USH2A: variants seen among roughly 807,000 people sequenced by gnomAD.
The protein encoded by USH2A is usherin.
Under a neutral mutation model 538.9 loss-of-function variants are expected in USH2A, and 443 were observed. That is an observed-to-expected ratio of 0.82 (90% confidence interval 0.76 to 0.89). USH2A has a LOEUF of 0.89. Ranked by LOEUF, USH2A falls within the 40% of genes least tolerant of loss-of-function variation. USH2A has a pLI of 0.00. For missense variants in USH2A, 6,633 were observed against 6,324.8 expected, an observed-to-expected ratio of 1.05 and a Z score of -1.65; for synonymous variants, 2,413 against 2,273.5, an observed-to-expected ratio of 1.06 and a Z score of -1.75.
At chr1:215,721,046 G>A (rs1339759398) in intron 61 of USH2A, among the ~76,000 whole-genome samples, 1 of 151,990 alleles carries the variant, frequency 6.6e-6, no homozygotes, top group Non-Finnish European at 1.5e-5. Flanking sequence ...GCACATATCA[G>A]GTTTTAATTT....
At chr1:216,399,205 A>G (rs2039266973) in intron 3 of USH2A, among the ~76,000 whole-genome samples, 1 of 152,138 alleles carries the variant, frequency 6.6e-6, no homozygotes, top group Admixed American at 6.5e-5. Flanking sequence ...CTAAACAAGG[A>G]CACGAGAGTC....
intron 21 of USH2A, among the ~76,000 whole-genome samples, chr1:216,117,168 T>C (rs1022392424): frequency 2.6e-5 from 4 of 152,146 alleles, no homozygotes; most frequent in Admixed American, 1.3e-4. Flanking sequence ...AATGGCATTG[T>C]GGAGGCTCTC....
chr1:216,386,159 C>G (rs935612190), intron 3 of USH2A, among the ~76,000 whole-genome samples: 13 of 152,014 alleles, frequency 8.6e-5, no homozygotes, highest in Non-Finnish European at 1.9e-4. Flanking sequence ...AATTGCACAA[C>G]AATTATGAAT....
chr1:215,721,426 G>A (rs976148707), intron 61 of USH2A, among the ~76,000 whole-genome samples: 5 of 152,118 alleles, frequency 3.3e-5, no homozygotes, highest in Non-Finnish European at 7.3e-5. Flanking sequence ...CACCAGTTGC[G>A]TTGATCCTTG....
intron 29 of USH2A, chr1:216,072,686 A>G (rs1427404938): frequency 1.6e-6 from 1 of 614,636 alleles, no homozygotes; most frequent in Non-Finnish European, 2.9e-6. Flanking sequence ...CTGAGCAAGT[A>G]TTTAGTGAAT....
At chr1:216,376,134 G>A (rs1207606899) in intron 3 of USH2A, among the ~76,000 whole-genome samples, 1 of 152,040 alleles carries the variant, frequency 6.6e-6, no homozygotes, top group Non-Finnish European at 1.5e-5. Context: ...TACACAAAAC[G>A]AGCACATGCT....
intron 47 of USH2A, among the ~76,000 whole-genome samples, chr1:215,831,693 C>T (rs10864208): frequency 0.45 from 68,088 of 151,406 alleles, 15,480 homozygotes; most frequent in Admixed American, 0.57. Context: ...TTGTGAGCTT[C>T]ATACCGAAGC....
intron 30 of USH2A, among the ~76,000 whole-genome samples, chr1:216,062,121 G>A (rs1169734383): frequency 1.3e-5 from 2 of 152,150 alleles, no homozygotes; most frequent in African/African-American, 4.8e-5. Flanking sequence ...CTTGAAAGAA[G>A]GATAAGGATA....
chr1:215,810,151 G>T (rs1039310620), intron 49 of USH2A, among the ~76,000 whole-genome samples: 1 of 152,060 alleles, frequency 6.6e-6, no homozygotes, highest in Non-Finnish European at 1.5e-5. Flanking sequence ...AAAATTTGGG[G>T]CATGCTCAAT....
In USH2A at chr1:215,845,858, G is replaced by A. The variant is rs1327521692; in HGVS notation, c.9021C>T (p.Asn3007=). 6 of 1,613,758 alleles carry A rather than the reference G, an allele frequency of 3.7e-6. No individual in the cohort carries two copies. Among genetic ancestry groups the A allele is most frequent in the East Asian group, 4.5e-5 (2 of 44,880 alleles). The change falls in exon 45 of 72, where the codon AAC becomes AAT. Residue 3007 remains asparagine (N), a synonymous_variant. Coordinates refer to ENST00000307340, the MANE Select transcript of USH2A (RefSeq NM_206933.4). ...AAGTGGTTGCATGAAGTCCTGCACT[G>A]TTGATGCTGTGGACTCCATTGAAGA... ...ISVFNGVHSI[N]SAGLHATTCD...
At position 215,655,984 on chromosome 1, in the gene USH2A, T is replaced by G. The variant is rs184409294; in HGVS notation, c.14134-5183A>C. ...CTCCTGACCTAGTGATCTGCCCACCTCCGCCTCACAAAGTGCTGGGATTAT... is the reference window on the plus strand; with the variant it reads ...CTCCTGACCTAGTGATCTGCCCACCGCCGCCTCACAAAGTGCTGGGATTAT... On this transcript the variant is annotated intron_variant, in intron 64 of 71. Transcript: ENST00000307340. Among the ~76,000 whole-genome samples the G allele has an allele frequency of 3.3e-5, 5 of 152,192 alleles. No individual in the cohort carries two copies. In the East Asian group the frequency reaches 9.7e-4, roughly 29 times the overall value.
At chr1:216,202,452 T>A (rs1376888484) in intron 16 of USH2A, among the ~76,000 whole-genome samples, 2 of 152,222 alleles carry the variant, frequency 1.3e-5, no homozygotes, top group African/African-American at 4.8e-5. Flanking sequence ...ATGAATAGGA[T>A]ATCCATTAAT....
chr1:215,908,365 G>C (rs1186011818), intron 38 of USH2A, among the ~76,000 whole-genome samples: 1 of 151,898 alleles, frequency 6.6e-6, no homozygotes, highest in Non-Finnish European at 1.5e-5. Flanking sequence ...AACAAATTTT[G>C]AGAGTTTAGT....
chr1:215,796,390 CT>C (rs1347136834), intron 50 of USH2A, among the ~76,000 whole-genome samples: 1 of 151,572 alleles, frequency 6.6e-6, no homozygotes, highest in Non-Finnish European at 1.5e-5. Context: ...ATATTTTAAA[CT>C]TTTTCATTAT....
intron 17 of USH2A, among the ~76,000 whole-genome samples, chr1:216,198,886 T>C (rs1008333093): frequency 3.3e-5 from 5 of 152,180 alleles, no homozygotes; most frequent in African/African-American, 9.6e-5. Flanking sequence ...CACTTTATCA[T>C]AGGTAAATTC....
In USH2A at chr1:215,767,423, G is replaced by A. The variant is rs115361413; in HGVS notation, c.10940-635C>T. 1.4e-3 allele frequency among the ~76,000 whole-genome samples: 219 copies of A among 152,216 alleles called. 3 individuals are homozygous for A. The highest frequency in any genetic ancestry group is 5.2e-3 in the African/African-American group (216 of 41,540). On this transcript the variant is annotated intron_variant, in intron 55 of 71. Coordinates refer to ENST00000307340, the MANE Select transcript of USH2A (RefSeq NM_206933.4). Reference sequence around the variant, plus strand: ...CAAGCCATATTCAACTCATATTAACGCTAACCAACACTTTTGTTTTTAAAC... The same window carrying A: ...CAAGCCATATTCAACTCATATTAACACTAACCAACACTTTTGTTTTTAAAC...
intron 37 of USH2A, among the ~76,000 whole-genome samples, chr1:215,954,921 AC>A (rs1667026159): frequency 6.6e-6 from 1 of 152,000 alleles, no homozygotes; most frequent in Non-Finnish European, 1.5e-5. Context: ...CCACAATTTT[AC>A]CTTCCTCACA....
intron 4 of USH2A, among the ~76,000 whole-genome samples, chr1:216,359,902 A>C (rs1271113287): frequency 6.6e-6 from 1 of 152,172 alleles, no homozygotes; most frequent in East Asian, 1.9e-4. Flanking sequence ...AAAAGCCAGA[A>C]CACTGACAAT....
At chr1:216,050,636 G>T (rs1248269762) in intron 30 of USH2A, among the ~76,000 whole-genome samples, 2 of 84,704 alleles carry the variant, frequency 2.4e-5, no homozygotes, top group African/African-American at 5.8e-5. Context: ...ACAGAGTCTC[G>T]CTCAGTTGCC....
Sources: allele counts gnomAD v4.1 joint callset (sites outside exome capture counted in the v4.1 genomes callset), GRCh38; gene constraint gnomAD v4.1.1; transcripts MANE v1.5; gene names NCBI Gene and HGNC (gene_info 2026-07-23, HGNC 2026-07-21).